Variants in MED27 observed in about 807,000 individuals in gnomAD.
MED27 encodes the protein mediator of RNA polymerase II transcription subunit 27.
In MED27, 30 loss-of-function variants were observed where a neutral mutation model predicts 38.2. The observed-to-expected ratio is 0.79, with a 90% confidence interval of 0.59 to 1.07. The LOEUF (loss-of-function observed/expected upper bound fraction) is 1.07, where lower values mean the gene tolerates loss of function less well. MED27 is among the 50% of genes least tolerant of loss of function. The pLI, the probability that MED27 is intolerant of heterozygous loss-of-function variation, is 0.00. For missense variants in MED27, 289 were observed against 397.5 expected (o/e 0.73, Z 2.32); for synonymous variants, 122 against 153.5 (o/e 0.79, Z 1.52).
chr9:132,071,916 C>T (rs1833948367), intron 2 of MED27, among the ~76,000 whole-genome samples: 1 of 152,044 alleles, frequency 6.6e-6, no homozygotes, highest in Non-Finnish European at 1.5e-5. Context: ...ATATGAGTAA[C>T]ACACACCCCA....
intron 2 of MED27, among the ~76,000 whole-genome samples, chr9:132,042,275 G>A (rs970788395): frequency 3.9e-5 from 6 of 152,172 alleles, no homozygotes; most frequent in East Asian, 1.9e-4. Flanking sequence ...TGCCAGGCAC[G>A]GAGAAAAGGC....
intron 3 of MED27, among the ~76,000 whole-genome samples, chr9:131,993,244 A>T (rs554375157): frequency 0.048 from 7,087 of 146,920 alleles, 197 homozygotes; most frequent in Middle Eastern, 0.059. Context: ...TTTTTTTTTT[A>T]AAAAATTCAA....
intron 2 of MED27, among the ~76,000 whole-genome samples, chr9:132,032,404 A>ACATTTGATT (rs1307137866): frequency 6.6e-6 from 1 of 152,142 alleles, no homozygotes; most frequent in African/African-American, 2.4e-5. Context: ...TCAAGCCCAC[A>ACATTTGATT]CATTTGATTT....
intron 2 of MED27, among the ~76,000 whole-genome samples, chr9:132,019,815 C>T (rs967002095): frequency 3.9e-5 from 6 of 152,222 alleles, no homozygotes; most frequent in Non-Finnish European, 7.3e-5. Context: ...ACAGCGATCC[C>T]CCCTGGATGA....
intron 4 of MED27, among the ~76,000 whole-genome samples, chr9:131,899,967 T>A (rs1486960601): frequency 6.6e-6 from 1 of 152,264 alleles, no homozygotes; most frequent in South Asian, 2.1e-4. Context: ...AGGTCGGCTC[T>A]TGGCAACTGC....
intron 6 of MED27, among the ~76,000 whole-genome samples, chr9:131,874,151 C>A (rs373559754): frequency 6.6e-6 from 1 of 152,228 alleles, no homozygotes; most frequent in Admixed American, 6.5e-5. Flanking sequence ...ATCCGCCTCC[C>A]GCCCCAACAC....
Position 132,078,492 on chromosome 9 carries a change from T to C in MED27, c.204-906A>G, listed in dbSNP as rs202231015. ...AGTGCATCCCCTGAAGCAGAGAAAG[T>C]ATTAACTGGTGCTCGGCGCGGTGCC... On this transcript the variant is annotated intron_variant, in intron 1 of 7. Coordinates refer to ENST00000292035, the MANE Select transcript of MED27 (RefSeq NM_004269.4). Among the ~76,000 whole-genome samples, 5 of 151,948 alleles carry C rather than the reference T, an allele frequency of 3.3e-5. No homozygotes were observed. The East Asian group carries it at 7.7e-4, about 23-fold the overall frequency.
At chr9:131,984,621 A>G (rs2131032466) in intron 3 of MED27, among the ~76,000 whole-genome samples, 1 of 152,352 alleles carries the variant, frequency 6.6e-6, no homozygotes, top group South Asian at 2.1e-4. Flanking sequence ...TAGATTGGGT[A>G]GTCAGGGAAG....
At chr9:131,948,194 G>A (rs1057351101) in intron 3 of MED27, among the ~76,000 whole-genome samples, 2 of 152,080 alleles carry the variant, frequency 1.3e-5, no homozygotes, top group African/African-American at 2.4e-5. Context: ...TTTCTAAACT[G>A]TACAACCAGG....
chr9:131,940,933 T>C (rs527629725), intron 3 of MED27, among the ~76,000 whole-genome samples: 2 of 152,348 alleles, frequency 1.3e-5, no homozygotes, highest in Non-Finnish European at 1.5e-5. Flanking sequence ...GCATGAGAAC[T>C]GGCACATATA....
intron 4 of MED27, among the ~76,000 whole-genome samples, chr9:131,896,867 G>A (rs1472178748): frequency 1.3e-5 from 2 of 152,214 alleles, no homozygotes; most frequent in Admixed American, 1.3e-4. Flanking sequence ...GAGTAGCTGG[G>A]ATTACAGGCG....
chr9:131,902,578 G>A (rs1829971600), intron 4 of MED27, among the ~76,000 whole-genome samples: 1 of 152,184 alleles, frequency 6.6e-6, no homozygotes, highest in African/African-American at 2.4e-5. Flanking sequence ...CCGAGGGACT[G>A]TCAAAGCTAA....
chr9:131,897,418 TG>T (rs1022004994), intron 4 of MED27, among the ~76,000 whole-genome samples: 6 of 152,246 alleles, frequency 3.9e-5, no homozygotes, highest in Non-Finnish European at 5.9e-5. Context: ...TTGTCAGCGA[TG>T]GGCACTACTA....
intron 2 of MED27, among the ~76,000 whole-genome samples, chr9:132,030,138 T>A (rs1176659984): frequency 6.6e-6 from 1 of 152,160 alleles, no homozygotes; most frequent in African/African-American, 2.4e-5. Context: ...GCCTGACCAG[T>A]GTTAGGGGAT....
chr9:132,032,560 A>G (rs1396295705), intron 2 of MED27, among the ~76,000 whole-genome samples: 1 of 152,202 alleles, frequency 6.6e-6, no homozygotes, highest in Non-Finnish European at 1.5e-5. Flanking sequence ...GACCTAAATG[A>G]TAAGAGGAAC....
intron 3 of MED27, among the ~76,000 whole-genome samples, chr9:131,940,617 T>C (rs913570289): frequency 6.6e-6 from 1 of 152,150 alleles, no homozygotes; most frequent in Admixed American, 6.5e-5. Flanking sequence ...AGTTTTACCA[T>C]GTTGGCCAGG....
chr9:131,885,124 T>G (rs1438390432), intron 5 of MED27, among the ~76,000 whole-genome samples: 1 of 152,192 alleles, frequency 6.6e-6, no homozygotes, highest in African/African-American at 2.4e-5. Context: ...GGAGGAAAGC[T>G]GGCAGCATCC....
chr9:132,010,891 C>T (rs535034136), intron 3 of MED27, among the ~76,000 whole-genome samples: 11 of 151,306 alleles, frequency 7.3e-5, no homozygotes, highest in Non-Finnish European at 1.3e-4. Context: ...GTGGGGTGGG[C>T]GAAGGGGGGA....
chr9:131,986,001 GA>G (rs1157975584), intron 3 of MED27, among the ~76,000 whole-genome samples: 1 of 151,948 alleles, frequency 6.6e-6, no homozygotes, highest in African/African-American at 2.4e-5. Flanking sequence ...ATAAAAAATA[GA>G]AAAAAGCTTT....
Sources: gnomAD v4.1 joint callset for allele counts (sites outside exome capture counted in the v4.1 genomes callset) on GRCh38, gnomAD v4.1.1 for gene constraint, MANE v1.5 for transcripts, NCBI Gene and HGNC (gene_info 2026-07-23, HGNC 2026-07-21) for gene names.